The following PDE10A variants were observed in gnomAD, a reference collection of about 807,000 sequenced individuals.
PDE10A encodes the protein cAMP and cAMP-inhibited cGMP 3',5'-cyclic phosphodiesterase 10A.
A neutral mutation model predicts 97.7 loss-of-function variants in PDE10A; 39 were observed. The ratio of observed to expected loss-of-function variants is 0.40; its 90% CI spans 0.31 to 0.52. PDE10A has a LOEUF of 0.52. Ranked by LOEUF, PDE10A falls within the 20% of genes least tolerant of loss-of-function variation. The probability of loss-of-function intolerance (pLI) is 0.56; values close to 1 mark genes in which losing one functional copy is unlikely to be tolerated. For missense variants in PDE10A, 731 were observed against 1,047.8 expected, an observed-to-expected ratio of 0.70 and a Z score of 4.17; for synonymous variants, 371 against 376.8, an observed-to-expected ratio of 0.98 and a Z score of 0.18.
chr6:165,617,688 C>T (rs748068156), intron 1 of PDE10A, among the ~76,000 whole-genome samples: 19 of 152,096 alleles, frequency 1.2e-4, no homozygotes, highest in Non-Finnish European at 1.6e-4. Flanking sequence ...GGTGCCAAGA[C>T]TAGGAAAGTC....
chr6:165,537,861 G>A (rs1443594364), intron 2 of PDE10A, among the ~76,000 whole-genome samples: 1 of 151,852 alleles, frequency 6.6e-6, no homozygotes, highest in African/African-American at 2.4e-5. Context: ...AGAGAAGAGT[G>A]TCCAAAATTA....
chr6:165,340,326 G>GA (rs1781901622), intron 19 of PDE10A, among the ~76,000 whole-genome samples: 1 of 152,030 alleles, frequency 6.6e-6, no homozygotes, highest in South Asian at 2.1e-4. Flanking sequence ...CATGTTTTTA[G>GA]AAATCAGAAG....
At chr6:165,816,241 G>T (rs933305555) in intron 1 of PDE10A, among the ~76,000 whole-genome samples, 1 of 152,160 alleles carries the variant, frequency 6.6e-6, no homozygotes, top group Non-Finnish European at 1.5e-5. Flanking sequence ...GAGCCACTGC[G>T]CCTGGCCCAG....
intron 3 of PDE10A, among the ~76,000 whole-genome samples, chr6:165,472,703 A>G (rs1779084928): frequency 6.6e-6 from 1 of 152,304 alleles, no homozygotes; most frequent in Admixed American, 6.5e-5. Flanking sequence ...ACATTATACC[A>G]GAGAAGTTCT....
chr6:165,824,006 A>G (rs900005528), intron 1 of PDE10A, among the ~76,000 whole-genome samples: 10 of 152,196 alleles, frequency 6.6e-5, no homozygotes, highest in African/African-American at 2.4e-4. Flanking sequence ...AAAAGTCCCA[A>G]AGGTTTTGAA....
intron 1 of PDE10A, among the ~76,000 whole-genome samples, chr6:165,908,095 G>A (rs1035641932): frequency 6.6e-6 from 1 of 152,212 alleles, no homozygotes; most frequent in Non-Finnish European, 1.5e-5. Flanking sequence ...CTTGGGAGAG[G>A]AGGAGCAAGA....
chr6:165,970,194 G>A lies in PDE10A; in HGVS notation c.-615+17335C>T, dbSNP rs557385129. 4.6e-5 allele frequency among the ~76,000 whole-genome samples: 7 copies of A among 152,286 alleles called. No homozygotes were observed. In the East Asian group the frequency reaches 7.7e-4, roughly 17 times the overall value. On this transcript the variant is annotated intron_variant, in intron 1 of 19. Coordinates refer to the PDE10A transcript ENST00000366882. ...AAAACCACAAGTCATGGAAGCCCAC[G>A]AAAGACTGAGAGGTTGCTCCAGACT...
chr6:165,814,025 A>G (rs1779346034), intron 1 of PDE10A, among the ~76,000 whole-genome samples: 1 of 152,208 alleles, frequency 6.6e-6, no homozygotes, highest in South Asian at 2.1e-4. Flanking sequence ...CTCAACATCA[A>G]CTGTCATTTC....
chr6:165,369,991 T>G (rs1784109607), intron 18 of PDE10A, among the ~76,000 whole-genome samples: 1 of 119,364 alleles, frequency 8.4e-6, no homozygotes, highest in Admixed American at 8.3e-5. Context: ...GCTTCAAAAG[T>G]GAAGGAGAAA....
At chr6:165,545,285 C>T in intron 1 of PDE10A, 1 of 473,882 alleles carries the variant, frequency 2.1e-6, no homozygotes, top group African/African-American at 2.0e-5. Flanking sequence ...TTTTTAATCT[C>T]CAGTCTAGCT....
intron 1 of PDE10A, chr6:165,781,606 G>A (rs534666529): frequency 6.6e-6 from 1 of 152,374 alleles, no homozygotes; most frequent in East Asian, 1.9e-4. Context: ...GATTCACTTA[G>A]GGATCTAGAG....
At chr6:165,550,628 A>C (rs925392318) in intron 1 of PDE10A, among the ~76,000 whole-genome samples, 1 of 152,260 alleles carries the variant, frequency 6.6e-6, no homozygotes, top group Non-Finnish European at 1.5e-5. Context: ...ATTAAGTATA[A>C]CAGGTTAAGA....
intron 20 of PDE10A, among the ~76,000 whole-genome samples, chr6:165,336,798 G>C (rs1207572802): frequency 7.0e-6 from 1 of 143,208 alleles, no homozygotes; most frequent in East Asian, 2.0e-4. Flanking sequence ...TGAAATCTAA[G>C]ACCCAAGTAC....
At chr6:165,365,548 A>G (rs1232810035) in intron 18 of PDE10A, among the ~76,000 whole-genome samples, 1 of 152,116 alleles carries the variant, frequency 6.6e-6, no homozygotes, top group Non-Finnish European at 1.5e-5. Context: ...ATCTCAACAA[A>G]TAATGACAAA....
chr6:165,987,614 AG>A (rs764197925), exon 1 of PDE10A: 9 of 417,102 alleles, frequency 2.2e-5, no homozygotes, highest in Non-Finnish European at 3.3e-5. Flanking sequence ...AGAAAGAAAA[AG>A]AAAAAAAAAG....
intron 1 of PDE10A, among the ~76,000 whole-genome samples, chr6:165,946,442 C>T (rs746590071): frequency 1.9e-4 from 28 of 150,164 alleles, no homozygotes; most frequent in Non-Finnish European, 3.4e-4. Context: ...TGCAGTGAGC[C>T]GAGATTGCGC....
At chr6:165,529,860 A>C (rs951398090) in intron 2 of PDE10A, among the ~76,000 whole-genome samples, 7 of 152,152 alleles carry the variant, frequency 4.6e-5, no homozygotes, top group African/African-American at 1.7e-4. Context: ...TATGGGTTCA[A>C]GTTGACAAGG....
chr6:165,813,483 A>G (rs1240634037), intron 1 of PDE10A, among the ~76,000 whole-genome samples: 1 of 152,128 alleles, frequency 6.6e-6, no homozygotes, highest in Admixed American at 6.5e-5. Flanking sequence ...GAGGAAAGAA[A>G]AACATTGACG....
chr6:165,611,688 A>C (rs1047278053), intron 1 of PDE10A, among the ~76,000 whole-genome samples: 10 of 152,366 alleles, frequency 6.6e-5, no homozygotes, highest in Non-Finnish European at 1.3e-4. Context: ...TTCAAAACAC[A>C]TAGGAAAATC....
Sources: allele counts gnomAD v4.1 joint callset (sites outside exome capture counted in the v4.1 genomes callset), GRCh38; gene constraint gnomAD v4.1.1; transcripts MANE v1.5; gene names NCBI Gene and HGNC (gene_info 2026-07-23, HGNC 2026-07-21).